Variants in PRICKLE4 observed in about 807,000 individuals in gnomAD.
The protein encoded by PRICKLE4 is prickle-like protein 4.
PRICKLE4 carries 40 observed loss-of-function variants against 43.5 expected under a neutral mutation model. The ratio of observed to expected loss-of-function variants is 0.92; its 90% CI spans 0.71 to 1.20. PRICKLE4 has a LOEUF of 1.20. Among genes scored for constraint, PRICKLE4 ranks in the 50% most tolerant of loss-of-function variants. The pLI, the probability that PRICKLE4 is intolerant of heterozygous loss-of-function variation, is 0.00. For synonymous variants in PRICKLE4, 208 were observed against 197.4 expected, an observed-to-expected ratio of 1.05 and a Z score of -0.45; for missense variants, 527 against 491.2, an observed-to-expected ratio of 1.07 and a Z score of -0.69.
In PRICKLE4 at chr6:41,783,710, C is replaced by T. The variant is rs1561895718; in HGVS notation, c.132+105C>T. The T allele has an allele frequency of 4.0e-6, 6 of 1,510,048 alleles. 1 individual carries two copies. In the Admixed American group the frequency reaches 1.0e-4, roughly 26 times the overall value. 93.5% of individuals were successfully genotyped at this position (1,510,048 alleles called of 1,614,324 possible). On this transcript the variant is annotated intron_variant, in intron 3 of 7. Coordinates refer to ENST00000458694, the MANE Select transcript of PRICKLE4 (RefSeq NM_013397.6). The stretch of plus-strand genomic sequence containing the variant: ...GGTAGTTTGACTTCGTGCCTAATCT[C>T]TTGTTGCCTTTTTCTCTTTTCAGGA...
intron 7 of PRICKLE4, 61 bp downstream of exon 7, chr6:41,786,393 C>T: frequency 6.7e-7 from 1 of 1,501,200 alleles, no homozygotes. Flanking sequence ...GGGGGTTCTC[C>T]CGGGCTGGGA....
At chr6:41,783,397 C>T in intron 2 of PRICKLE4, 65 bp from the exon 3 acceptor site, 1 of 1,405,708 alleles carries the variant, frequency 7.1e-7, no homozygotes, top group Non-Finnish European at 9.6e-7. Flanking sequence ...CTATAAAGCA[C>T]TTAACACTTC....
intron 5 of PRICKLE4, 65 bp from the exon 6 acceptor site, chr6:41,785,272 G>A (rs1277851618): frequency 9.6e-6 from 15 of 1,564,166 alleles, no homozygotes; most frequent in Non-Finnish European, 1.3e-5. Flanking sequence ...CGGATTGCAA[G>A]AGCAAGGAGG....
chr6:41,786,503 T>C (rs774813573), intron 7 of PRICKLE4, 171 bp downstream of exon 7: 1 of 1,044,998 alleles, frequency 9.6e-7, no homozygotes, highest in South Asian at 1.4e-5. Context: ...CGCGCATCCC[T>C]GGCCGGAGCG....
chr6:41,786,378 G>A, intron 7 of PRICKLE4, 46 bp downstream of exon 7: 1 of 1,530,560 alleles, frequency 6.5e-7, no homozygotes, highest in Non-Finnish European at 8.8e-7. Context: ...CTTGGGCTGG[G>A]CTGTGGGGGT....
In PRICKLE4 at chr6:41,786,832, A is replaced by ACCC; in HGVS notation, c.859_860insCCC (p.Thr286_Leu287insPro). ...TGAACTCTGCAACCCTCTCCCGAAC[A>ACCC]CTCCTCGCTGCTGCCGGCGGTTCCA... On this transcript the variant is annotated inframe_insertion, in exon 8 of 8. Transcript: ENST00000458694. The ACCC allele has an allele frequency of 7.1e-7, 1 of 1,405,190 alleles. No homozygotes were observed. Among genetic ancestry groups the ACCC allele is most frequent in the Non-Finnish European group, 9.6e-7 (1 of 1,044,440 alleles). The allele number at this position is 1,405,190 out of a possible 1,614,324, so 87.0% of individuals were successfully genotyped here.
At chr6:41,784,313 C>A in intron 4 of PRICKLE4, 75 bp downstream of exon 4, 2 of 1,235,972 alleles carry the variant, frequency 1.6e-6, no homozygotes, top group Non-Finnish European at 2.3e-6. Context: ...GGAAGAACCT[C>A]AGTCCAGAAG....
chr6:41,787,252 G>A lies in PRICKLE4; in HGVS notation c.*123G>A. ...AGTCAGGCGCACGCCCGCAAGAGGC[G>A]GCGAGGTGACAAGTTTGGAGTGCGC... On this transcript the variant is annotated 3_prime_UTR_variant, in exon 8 of 8. Coordinates refer to ENST00000458694, the MANE Select transcript of PRICKLE4 (RefSeq NM_013397.6). The A allele has an allele frequency of 7.2e-7, 1 of 1,390,764 alleles. No individual in the cohort carries two copies. Among genetic ancestry groups the A allele is most frequent in the Non-Finnish European group, 9.5e-7 (1 of 1,056,206 alleles). The allele number at this position is 1,390,764 out of a possible 1,614,324, so 86.2% of individuals were successfully genotyped here.
intron 7 of PRICKLE4, 72 bp downstream of exon 7, chr6:41,786,404 C>T: frequency 1.4e-6 from 2 of 1,469,322 alleles, no homozygotes; most frequent in African/African-American, 2.8e-5. Flanking sequence ...CGGGCTGGGA[C>T]CCTCGCCCCG....
At chr6:41,786,004 G>A in intron 6 of PRICKLE4, 124 bp from the exon 7 acceptor site, 1 of 1,088,490 alleles carries the variant, frequency 9.2e-7, no homozygotes, top group Non-Finnish European at 1.3e-6. Context: ...AAGTGGCTGA[G>A]TGAATTAAAT....
Position 41,786,140 on chromosome 6 carries a change from T to A in PRICKLE4, c.595T>A (p.Trp199Arg). 1 of 1,613,660 alleles carries A rather than the reference T, an allele frequency of 6.2e-7. No individual in the cohort carries two copies. The highest frequency in any genetic ancestry group is 2.2e-5 in the East Asian group (1 of 44,884). ...CPACDQLIFS[W>R]RCTEAEGQRW... The stretch of plus-strand genomic sequence containing the variant: ...CTCCCTCTCCCAGCTGATCTTCTCC[T>A]GGCGCTGCACCGAGGCGGAGGGACA... The change falls in exon 7 of 8, where the codon TGG (tryptophan) becomes AGG (arginine). Residue 199 changes from tryptophan to arginine, a missense_variant. Physicochemically the swap from Trp to Arg is moderately radical, Grantham distance 101 (BLOSUM62 -3). Coordinates refer to ENST00000458694, the MANE Select transcript of PRICKLE4 (RefSeq NM_013397.6).
chr6:41,787,100 G>A lies in PRICKLE4; in HGVS notation c.1126G>A (p.Ala376Thr), dbSNP rs1457914318. 1.2e-6 allele frequency: 2 copies of A among 1,609,926 alleles called. No individual in the cohort carries two copies. The highest frequency in any genetic ancestry group is 1.7e-5 in the Admixed American group (1 of 59,948). Residue 376 changes from alanine to threonine, a missense_variant, in exon 8 of 8, where the codon GCC becomes ACC. Coordinates refer to ENST00000458694, the MANE Select transcript of PRICKLE4 (RefSeq NM_013397.6). ...AAGCCTCCAAGCAGAGGACAGCAAC[G>A]CCTCTAAGACGCACTGCACCATGTG... Reference protein sequence around the residue: ...PGSLQAEDSNASKTHCTMC With the variant: ...PGSLQAEDSNTSKTHCTMC
chr6:41,786,713 T>C (rs771303156), intron 7 of PRICKLE4, 49 bp from the exon 8 acceptor site: 51 of 1,610,850 alleles, frequency 3.2e-5, no homozygotes, highest in Admixed American at 8.3e-5. Flanking sequence ...GCGGTGTAGG[T>C]CCAGCTCCGC....
chr6:41,786,722 G>T, intron 7 of PRICKLE4, 40 bp from the exon 8 acceptor site: 1 of 1,611,902 alleles, frequency 6.2e-7, no homozygotes, highest in African/African-American at 1.3e-5. Context: ...GTCCAGCTCC[G>T]CGGCTCTGAG....
chr6:41,783,396 A>T (rs1772583667), intron 2 of PRICKLE4, 66 bp from the exon 3 acceptor site: 4 of 1,401,390 alleles, frequency 2.9e-6, no homozygotes, highest in African/African-American at 2.9e-5. Context: ...TCTATAAAGC[A>T]CTTAACACTT....
rs1772680547 is a variant in PRICKLE4 at position 41,787,232 on chromosome 6, G to A, written c.*103G>A. ...ACAATCCTAGACTGAGACGCAGTCA[G>A]GCGCACGCCCGCAAGAGGCGGCGAG... is the stretch of plus-strand genomic sequence containing the variant. On this transcript the variant is annotated 3_prime_UTR_variant, in exon 8 of 8. Transcript: ENST00000458694. 7 of 1,443,774 alleles carry A rather than the reference G, an allele frequency of 4.8e-6. No homozygotes were observed. The South Asian group carries it at 1.0e-4, about 21-fold the overall frequency. The allele number at this position is 1,443,774 out of a possible 1,614,324, so 89.4% of individuals were successfully genotyped here. A position where few individuals can be genotyped will look rare whatever the true frequency, so the allele number is the denominator to read the frequency against.
In PRICKLE4 at chr6:41,786,240, G is replaced by A. The variant is rs373736399; in HGVS notation, c.695G>A (p.Gly232Glu). 5.0e-6 allele frequency: 8 copies of A among 1,602,776 alleles called. No individual in the cohort carries two copies. The South Asian group carries it at 8.8e-5, about 18-fold the overall frequency. The change falls in exon 7 of 8, where the codon GGG (glycine) becomes GAG (glutamate). Residue 232 changes from glycine to glutamate, a missense_variant. Coordinates refer to ENST00000458694, the MANE Select transcript of PRICKLE4 (RefSeq NM_013397.6). Reference protein sequence around the residue: ...PLGGGRYALPGGSPCCPSCFE... With the variant: ...PLGGGRYALPEGSPCCPSCFE... ...GGCGGGGGACGTTATGCCCTGCCTGGGGGAAGCCCCTGCTGCCCCAGCTGC... is the reference window on the plus strand; with the variant it reads ...GGCGGGGGACGTTATGCCCTGCCTGAGGGAAGCCCCTGCTGCCCCAGCTGC...
intron 3 of PRICKLE4, 170 bp downstream of exon 3, chr6:41,783,775 C>CT (rs1349102954): frequency 2.1e-6 from 2 of 952,606 alleles, no homozygotes; most frequent in Admixed American, 2.0e-5. Flanking sequence ...GGGGTTTTGA[C>CT]TTTAAACTCA....
intron 7 of PRICKLE4, 168 bp downstream of exon 7, chr6:41,786,500 C>G (rs903532152): frequency 1.9e-6 from 2 of 1,048,552 alleles, no homozygotes; most frequent in South Asian, 1.3e-5. Context: ...CACCGCGCAT[C>G]CCTGGCCGGA....
Sources: gnomAD v4.1 joint callset for allele counts on GRCh38, gnomAD v4.1.1 for gene constraint, MANE v1.5 for transcripts, NCBI Gene and HGNC (gene_info 2026-07-23, HGNC 2026-07-21) for gene names.